Variants in DNAJC16 observed in about 807,000 individuals in gnomAD.
The protein encoded by DNAJC16 is DnaJ heat shock protein family (Hsp40) member C16.
In DNAJC16, 76 loss-of-function variants were observed where a neutral mutation model predicts 92.7. The observed-to-expected ratio is 0.82, with a 90% CI of 0.68 to 0.99. DNAJC16 has a LOEUF of 0.99. Among genes scored for constraint, DNAJC16 ranks in the 50% least tolerant of loss-of-function variants. The pLI is 0.00. For missense variants in DNAJC16, 869 were observed against 942.4 expected (o/e 0.92, Z 1.02); for synonymous variants, 328 against 358.7 (o/e 0.91, Z 0.97).
chr1:15,559,690 T>A (rs764517505), intron 8 of DNAJC16, 34 bp downstream of exon 8: 9 of 1,608,774 alleles, frequency 5.6e-6, no homozygotes, highest in Admixed American at 1.7e-5. Flanking sequence ...TGCTTGTTAT[T>A]ACAATAGAAG....
At chr1:15,543,224 A>G (rs945057882) in intron 4 of DNAJC16, among the ~76,000 whole-genome samples, 5 of 152,214 alleles carry the variant, frequency 3.3e-5, no homozygotes, top group Non-Finnish European at 7.3e-5. Flanking sequence ...ACGCTGTGGA[A>G]AAAGTTAAAG....
intron 2 of DNAJC16, among the ~76,000 whole-genome samples, chr1:15,533,035 T>C (rs1475415295): frequency 6.6e-6 from 1 of 152,192 alleles, no homozygotes; most frequent in Admixed American, 6.5e-5. Context: ...TTCCAGAACC[T>C]ATGTCAGAGG....
Position 15,568,769 on chromosome 1 carries a change from G to A in DNAJC16, c.*592G>A. Reference sequence around the variant, plus strand: ...GGGTATCCCCCAACAACAGTTTGTTGGCCACAGGTTGAAAAGGAAAGGAAT... The same window carrying A: ...GGGTATCCCCCAACAACAGTTTGTTAGCCACAGGTTGAAAAGGAAAGGAAT... On this transcript the variant is annotated 3_prime_UTR_variant, in exon 15 of 15. Transcript: ENST00000375847. The A allele has an allele frequency of 2.5e-6, 1 of 398,640 alleles. No homozygotes were observed. The highest frequency in any genetic ancestry group is 4.4e-6 in the Non-Finnish European group (1 of 226,138). 24.7% of individuals were successfully genotyped at this position (398,640 alleles called of 1,614,324 possible).
chr1:15,552,197 A>T (rs1389475387), intron 7 of DNAJC16, among the ~76,000 whole-genome samples: 1 of 151,364 alleles, frequency 6.6e-6, no homozygotes, highest in Non-Finnish European at 1.5e-5. Flanking sequence ...AAGTATAATA[A>T]AATATGTTGG....
chr1:15,565,679 G>A, intron 11 of DNAJC16: 2 of 530,694 alleles, frequency 3.8e-6, no homozygotes, highest in Non-Finnish European at 6.7e-6. Context: ...ATTGAGCATA[G>A]CCTATTATAC....
At chr1:15,555,681 CA>C (rs937939468) in intron 7 of DNAJC16, among the ~76,000 whole-genome samples, 1,372 of 51,596 alleles carry the variant, frequency 0.027, 19 homozygotes, top group African/African-American at 0.083. Flanking sequence ...GACTCCGTCT[CA>C]AAAAAAAAAA....
chr1:15,529,025 C>T, intron 1 of DNAJC16, 63 bp from the exon 2 acceptor site: 3 of 1,463,826 alleles, frequency 2.0e-6, no homozygotes, highest in South Asian at 2.5e-5. Context: ...TATACCTTTA[C>T]CTAAAAAGCA....
At chr1:15,531,473 A>G (rs1409296501) in intron 2 of DNAJC16, among the ~76,000 whole-genome samples, 1 of 152,200 alleles carries the variant, frequency 6.6e-6, no homozygotes, top group African/African-American at 2.4e-5. Flanking sequence ...TTGCCTCTTT[A>G]TGTTTAAAGC....
chr1:15,564,857 CAG>C (rs773388135), intron 11 of DNAJC16, among the ~76,000 whole-genome samples: 19 of 147,716 alleles, frequency 1.3e-4, no homozygotes, highest in Non-Finnish European at 2.4e-4. Flanking sequence ...TTTTTTGAGA[CAG>C]AGTCTCACTC....
In DNAJC16 at chr1:15,545,983, C is replaced by T. The variant is rs571260860; in HGVS notation, c.760-784C>T. Among the ~76,000 whole-genome samples the T allele has an allele frequency of 3.9e-5, 6 of 152,156 alleles. No homozygotes were observed. The South Asian group carries it at 1.2e-3, about 32-fold the overall frequency. The stretch of plus-strand genomic sequence containing the variant: ...TTATATAATGTATAGAGGGGGTGGA[C>T]CAGCTTATTTTTATTTACGCCGTTT... On this transcript the variant is annotated intron_variant, in intron 5 of 14. Transcript: ENST00000375847.
rs1203192724 is a variant in DNAJC16, at chr1:15,559,401, TTGTTTGGTTA to T, written c.1024-123_1024-114del. On this transcript the variant is annotated intron_variant, in intron 7 of 14. Coordinates refer to ENST00000375847, the MANE Select transcript of DNAJC16 (RefSeq NM_015291.4). Reference sequence around the variant, plus strand: ...GTTTATTCGCTCAAACAGGTCTGTCTTGTTTGGTTATATTACTTTAGCCAAGGTCAGCTAC... The same window carrying T: ...GTTTATTCGCTCAAACAGGTCTGTCTTATTACTTTAGCCAAGGTCAGCTAC... 53 of 1,300,782 alleles carry T rather than the reference TTGTTTGGTTA, an allele frequency of 4.1e-5. 1 individual carries two copies. The South Asian group carries it at 6.9e-4, about 17-fold the overall frequency. 80.6% of individuals were successfully genotyped at this position (1,300,782 alleles called of 1,614,324 possible).
chr1:15,551,649 T>G (rs1638445185), intron 7 of DNAJC16, among the ~76,000 whole-genome samples: 1 of 151,790 alleles, frequency 6.6e-6, no homozygotes, highest in African/African-American at 2.4e-5. Context: ...GATCTCACTC[T>G]GTCACTCAGG....
chr1:15,542,756 G>A (rs1710962303), intron 4 of DNAJC16, among the ~76,000 whole-genome samples: 1 of 152,190 alleles, frequency 6.6e-6, no homozygotes, highest in Non-Finnish European at 1.5e-5. Context: ...GGTGTCTGCT[G>A]GAGGATTTAT....
intron 8 of DNAJC16, 39 bp from the exon 9 acceptor site, chr1:15,562,103 C>T: frequency 6.3e-7 from 1 of 1,589,192 alleles, no homozygotes; most frequent in Non-Finnish European, 8.6e-7. Flanking sequence ...GCCCTGCCAT[C>T]AGGGATTGGT....
chr1:15,566,436 G>A (rs1570932974), intron 13 of DNAJC16: 1 of 477,608 alleles, frequency 2.1e-6, no homozygotes, highest in Non-Finnish European at 3.8e-6. Context: ...GCCAGAAGCA[G>A]GACGTGGTTT....
intron 7 of DNAJC16, among the ~76,000 whole-genome samples, chr1:15,551,941 G>A (rs2103417948): frequency 6.6e-6 from 1 of 151,816 alleles, no homozygotes; most frequent in South Asian, 2.1e-4. Context: ...TGAGACAGGA[G>A]ATTCACTTGA....
chr1:15,549,601 T>A (rs771239531), intron 7 of DNAJC16, among the ~76,000 whole-genome samples: 37 of 151,598 alleles, frequency 2.4e-4, no homozygotes, highest in Non-Finnish European at 5.2e-4. Flanking sequence ...GATCACGAGG[T>A]CAGGAGATTG....
intron 14 of DNAJC16, 105 bp from the exon 15 acceptor site, chr1:15,567,673 A>G (rs969494403): frequency 1.9e-5 from 24 of 1,280,174 alleles, no homozygotes; most frequent in Non-Finnish European, 2.5e-5. Flanking sequence ...CCCATCCAAC[A>G]CAAAGCGTTT....
intron 2 of DNAJC16, among the ~76,000 whole-genome samples, chr1:15,529,518 T>C (rs1003725079): frequency 2.6e-5 from 4 of 152,244 alleles, no homozygotes; most frequent in African/African-American, 7.2e-5. Flanking sequence ...CCTTAGATAC[T>C]GTTAGCATAT....
Sources: allele counts gnomAD v4.1 joint callset (sites outside exome capture counted in the v4.1 genomes callset), GRCh38; gene constraint gnomAD v4.1.1; transcripts MANE v1.5; gene names NCBI Gene and HGNC (gene_info 2026-07-23, HGNC 2026-07-21).